PLEKHA7: variants seen among roughly 807,000 people sequenced by gnomAD.
PLEKHA7 encodes pleckstrin homology domain containing A7.
In PLEKHA7, 104 loss-of-function variants were observed where a neutral mutation model predicts 170.0. The ratio of observed to expected loss-of-function variants is 0.61; its 90% confidence interval spans 0.52 to 0.72. PLEKHA7 has a LOEUF of 0.72. PLEKHA7 is among the 30% of genes least tolerant of loss of function. PLEKHA7 has a pLI of 0.00. For missense variants in PLEKHA7, 1,615 were observed against 1,671.7 expected, an observed-to-expected ratio of 0.97 and a Z score of 0.59; for synonymous variants, 648 against 660.8, an observed-to-expected ratio of 0.98 and a Z score of 0.30.
At chr11:16,934,548 C>G (rs1860157369) in intron 3 of PLEKHA7, among the ~76,000 whole-genome samples, 2 of 152,186 alleles carry the variant, frequency 1.3e-5, no homozygotes, top group South Asian at 4.1e-4. Context: ...GTCCAATGAA[C>G]TGGCTTTTTA....
At chr11:16,834,836 T>C (rs1458323249) in intron 9 of PLEKHA7, among the ~76,000 whole-genome samples, 1 of 151,928 alleles carries the variant, frequency 6.6e-6, no homozygotes, top group African/African-American at 2.4e-5. Context: ...AGAAGATTAC[T>C]TGGGGGGGCG....
intron 3 of PLEKHA7, among the ~76,000 whole-genome samples, chr11:16,937,394 T>A (rs1015168721): frequency 1.3e-5 from 2 of 152,092 alleles, no homozygotes; most frequent in Non-Finnish European, 2.9e-5. Context: ...TCTAAGCACA[T>A]GAGAATGTAC....
rs1397025623 is a variant in PLEKHA7, at chr11:17,014,348, C to T, written c.54G>A (p.Gly18=). Residue 18 remains glycine, a synonymous_variant, in exon 1 of 27, where the codon GGG becomes GGA. Transcript: ENST00000531066. ...AGAAGACGCGGCCATCCCGGCACAC[C>T]CCGTAGGACCAATGCTCAGGTAAAG... ...RDTLPEHWSY[G]VCRDGRVFFI... The T allele has an allele frequency of 1.4e-6, 2 of 1,446,988 alleles. No homozygotes were observed. The highest frequency in any genetic ancestry group is 6.2e-5 in the East Asian group (2 of 32,096). The allele number at this position is 1,446,988 out of a possible 1,614,324, so 89.6% of individuals were successfully genotyped here. A position where few individuals can be genotyped will look rare whatever the true frequency, so the allele number is the denominator to read the frequency against.
chr11:16,891,361 C>T (rs1405667029), intron 3 of PLEKHA7, among the ~76,000 whole-genome samples: 1 of 152,192 alleles, frequency 6.6e-6, no homozygotes, highest in Admixed American at 6.5e-5. Context: ...TGGAGTGATG[C>T]CTCTATAGGC....
chr11:16,855,519 C>T (rs1565020506), intron 5 of PLEKHA7: 1 of 396,014 alleles, frequency 2.5e-6, no homozygotes, highest in Non-Finnish European at 4.5e-6. Context: ...TAACACACAG[C>T]TACATGTAAA....
At chr11:16,799,721 G>A (rs768540266) in intron 17 of PLEKHA7, among the ~76,000 whole-genome samples, 6 of 152,152 alleles carry the variant, frequency 3.9e-5, no homozygotes, top group Non-Finnish European at 7.3e-5. Context: ...TAAATGCTGC[G>A]GCTACAAAAA....
chr11:16,790,817 GTACCTGCTC>G lies in PLEKHA7; in HGVS notation c.3024_3032del (p.Glu1008_Tyr1011delinsAsp). The G allele has an allele frequency of 2.5e-6, 4 of 1,608,992 alleles. No homozygotes were observed. Among genetic ancestry groups the G allele is most frequent in the Non-Finnish European group, 3.4e-6 (4 of 1,177,936 alleles). On this transcript the variant is annotated inframe_deletion, in exon 21 of 27. Transcript: ENST00000531066. ...CCTTACCTCTGCCTGGCAGCGTCTG[GTACCTGCTC>G]TCAGGGCCCACAAGTCCTAGGGAGG...
intron 3 of PLEKHA7, among the ~76,000 whole-genome samples, chr11:16,872,329 T>C (rs1225139320): frequency 6.6e-6 from 1 of 152,134 alleles, no homozygotes; most frequent in East Asian, 1.9e-4. Flanking sequence ...TGTGGAGATA[T>C]ACCCGGGTAT....
chr11:16,867,684 T>C (rs1010757972), intron 4 of PLEKHA7, among the ~76,000 whole-genome samples: 1 of 152,238 alleles, frequency 6.6e-6, no homozygotes, highest in African/African-American at 2.4e-5. Context: ...GGAAGCAATT[T>C]AGGTAATTGG....
chr11:16,885,631 A>G (rs552262034), intron 3 of PLEKHA7, among the ~76,000 whole-genome samples: 2 of 65,510 alleles, frequency 3.1e-5, no homozygotes, highest in South Asian at 7.9e-4. Flanking sequence ...CCCTGTCACA[A>G]AAATCTTAAA....
intron 6 of PLEKHA7, among the ~76,000 whole-genome samples, chr11:16,853,675 C>T (rs771207791): frequency 7.9e-5 from 12 of 152,060 alleles, no homozygotes; most frequent in Non-Finnish European, 1.3e-4. Flanking sequence ...GGGATGCAAA[C>T]GGAAGAAGTC....
chr11:16,852,052 C>CA (rs1853012336), intron 7 of PLEKHA7, among the ~76,000 whole-genome samples: 1 of 152,226 alleles, frequency 6.6e-6, no homozygotes, highest in Admixed American at 6.5e-5. Flanking sequence ...CAATGATCCA[C>CA]ACTTCTCACC....
intron 19 of PLEKHA7, among the ~76,000 whole-genome samples, chr11:16,793,712 C>T (rs1848016100): frequency 6.6e-6 from 1 of 152,236 alleles, no homozygotes; most frequent in African/African-American, 2.4e-5. Flanking sequence ...GACCTGACCA[C>T]ATCTCCTATT....
chr11:16,967,322 G>T (rs181910651), intron 3 of PLEKHA7, among the ~76,000 whole-genome samples: 16 of 152,238 alleles, frequency 1.1e-4, no homozygotes, highest in African/African-American at 1.4e-4. Context: ...TTCCATTAGG[G>T]CAGACCCCAG....
chr11:16,789,349 C>G lies in PLEKHA7; in HGVS notation c.3157-53G>C. ...ACACAGAACAGCTGGGCTGGGCACG[C>G]AGAGGACAGCCACCCTGCTGGCTGC... is the stretch of plus-strand genomic sequence containing the variant. On this transcript the variant is annotated intron_variant, in intron 22 of 26. Coordinates refer to ENST00000531066, the MANE Select transcript of PLEKHA7 (RefSeq NM_001329630.2). This position sits in a 1 kb window ranked among gnomAD's most constrained non-coding sequence, Gnocchi z 4.6. The G allele has an allele frequency of 6.5e-7, 1 of 1,537,616 alleles. No homozygotes were observed. The highest frequency in any genetic ancestry group is 1.1e-5 in the South Asian group (1 of 89,402).
chr11:17,003,879 G>C (rs1057376359), intron 3 of PLEKHA7, among the ~76,000 whole-genome samples: 1 of 152,142 alleles, frequency 6.6e-6, no homozygotes, highest in African/African-American at 2.4e-5. Flanking sequence ...TCACAACTCA[G>C]TACAAGCAAA....
chr11:16,920,343 G>T (rs1052627129), intron 3 of PLEKHA7, among the ~76,000 whole-genome samples: 1 of 152,192 alleles, frequency 6.6e-6, no homozygotes, highest in Non-Finnish European at 1.5e-5. Flanking sequence ...CAGAAAGAAT[G>T]CCTGTTCCAA....
At chr11:16,943,357 C>T (rs1860815354) in intron 3 of PLEKHA7, among the ~76,000 whole-genome samples, 1 of 152,024 alleles carries the variant, frequency 6.6e-6, no homozygotes, top group Non-Finnish European at 1.5e-5. Context: ...GCTCCATAGC[C>T]ACATGTGGTC....
intron 3 of PLEKHA7, among the ~76,000 whole-genome samples, chr11:16,875,949 C>T (rs11024066): frequency 0.3 from 45,365 of 151,982 alleles, 8,168 homozygotes; most frequent in East Asian, 0.63. Flanking sequence ...TTACCTATAA[C>T]CTCAGTCAGC....
Sources: gnomAD v4.1 joint callset for allele counts (sites outside exome capture counted in the v4.1 genomes callset) on GRCh38, gnomAD v4.1.1 for gene constraint, Gnocchi (gnomAD v3.1) non-coding constraint, MANE v1.5 for transcripts, NCBI Gene and HGNC (gene_info 2026-07-23, HGNC 2026-07-21) for gene names.